FMN1: variants seen among roughly 807,000 people sequenced by gnomAD.
FMN1 encodes formin-1.
A neutral mutation model predicts 132.4 loss-of-function variants in FMN1; 110 were observed. The observed-to-expected ratio is 0.83, with a 90% CI of 0.71 to 0.97. FMN1 has a LOEUF of 0.97. FMN1 is among the 50% of genes least tolerant of loss of function. The pLI, the probability that FMN1 is intolerant of heterozygous loss-of-function variation, is 0.00. For synonymous variants in FMN1, 722 were observed against 651.7 expected (o/e 1.11, Z -1.64); for missense variants, 1,792 against 1,705.3 (o/e 1.05, Z -0.90).
Position 33,098,249 on chromosome 15 carries a change from T to C in FMN1, c.1868-9275A>G, listed in dbSNP as rs188335273. On this transcript the variant is annotated intron_variant, in intron 4 of 20. Transcript: ENST00000616417. ...ACTGATAGCCTTACTTCATGCTGAG[T>C]GACTGTCCTCCCCCAATAGGGCTGA... Among the ~76,000 whole-genome samples, 355 of 152,268 alleles carry C rather than the reference T, an allele frequency of 2.3e-3. 3 individuals carry two copies. Among genetic ancestry groups the C allele is most frequent in the Non-Finnish European group, 4.0e-4 (27 of 67,990 alleles).
At chr15:33,111,414 C>G (rs2039699650) in intron 4 of FMN1, among the ~76,000 whole-genome samples, 1 of 152,158 alleles carries the variant, frequency 6.6e-6, no homozygotes, top group South Asian at 2.1e-4. Flanking sequence ...AGAAAACAGT[C>G]TTGGCATTTC....
At chr15:32,999,953 G>T (rs1470908756) in intron 7 of FMN1, among the ~76,000 whole-genome samples, 2 of 152,126 alleles carry the variant, frequency 1.3e-5, no homozygotes, top group Non-Finnish European at 2.9e-5. Flanking sequence ...ATAAAGATTT[G>T]GGTATCCTAC....
chr15:32,910,017 C>G (rs2141660651), intron 11 of FMN1, among the ~76,000 whole-genome samples: 1 of 152,294 alleles, frequency 6.6e-6, no homozygotes, highest in African/African-American at 2.4e-5. Flanking sequence ...CTAAGACTGT[C>G]TCATTCTAAA....
chr15:32,927,557 C>T (rs568186766), intron 9 of FMN1, among the ~76,000 whole-genome samples: 2 of 152,178 alleles, frequency 1.3e-5, no homozygotes, highest in Non-Finnish European at 2.9e-5. Flanking sequence ...CCACACTTGG[C>T]CTTAAAATTA....
intron 3 of FMN1, among the ~76,000 whole-genome samples, chr15:33,156,135 A>C (rs919679261): frequency 1.3e-5 from 2 of 152,202 alleles, no homozygotes; most frequent in Admixed American, 1.3e-4. Flanking sequence ...GAGTCTGGTA[A>C]AAGTAACTCC....
At chr15:33,007,935 G>C in intron 7 of FMN1, 79 bp downstream of exon 7, 1 of 1,228,692 alleles carries the variant, frequency 8.1e-7, no homozygotes, top group African/African-American at 1.5e-5. Context: ...TTCAACTTAA[G>C]AGGAATATTT....
chr15:33,031,118 A>C (rs2035917528), intron 6 of FMN1, among the ~76,000 whole-genome samples: 2 of 152,028 alleles, frequency 1.3e-5, no homozygotes, highest in African/African-American at 2.4e-5. Flanking sequence ...ATCAAGGCAC[A>C]AACAGCTTAA....
rs201735675 is a variant in FMN1 at position 32,768,935 on chromosome 15, A to C, written c.*5375T>G. 43 of 152,340 alleles carry C rather than the reference A, an allele frequency of 2.8e-4. No individual in the cohort carries two copies. Among genetic ancestry groups the C allele is most frequent in the Admixed American group, 5.2e-4 (8 of 15,300 alleles). 9.4% of individuals were successfully genotyped at this position (152,340 alleles called of 1,614,324 possible). Reference sequence around the variant, plus strand: ...TAATATAAAGTCTGGAGTTCACATGAGCTCTTGACTGAAGGACACGATCCT... The same window carrying C: ...TAATATAAAGTCTGGAGTTCACATGCGCTCTTGACTGAAGGACACGATCCT... On this transcript the variant is annotated 3_prime_UTR_variant, in exon 21 of 21. Transcript: ENST00000616417.
intron 5 of FMN1, among the ~76,000 whole-genome samples, chr15:33,077,339 C>CTTT (rs1286397800): frequency 4.7e-5 from 6 of 128,048 alleles, no homozygotes; most frequent in African/African-American, 1.7e-4. Context: ...CCGGCCCATC[C>CTTT]TTTTTTTTTT....
chr15:32,883,092 C>T (rs1014154888), intron 16 of FMN1, among the ~76,000 whole-genome samples: 1 of 152,206 alleles, frequency 6.6e-6, no homozygotes, highest in Non-Finnish European at 1.5e-5. Flanking sequence ...ATTAGATTAG[C>T]AACCAGTTCT....
intron 7 of FMN1, among the ~76,000 whole-genome samples, chr15:32,994,232 T>TCTCTCTCTCTCTCTCTCTCTCACACACA (rs904998781): frequency 2.7e-5 from 1 of 37,200 alleles, no homozygotes; most frequent in Non-Finnish European, 8.4e-5. Context: ...TCTCTCTCTC[T>TCTCTCTCTCTCTCTCTCTCTCACACACA]CACACACACA....
At chr15:32,898,999 T>C in intron 14 of FMN1, 106 bp from the exon 15 acceptor site, 1 of 766,394 alleles carries the variant, frequency 1.3e-6, no homozygotes, top group Non-Finnish European at 2.2e-6. Context: ...TCGTGAAAAC[T>C]GGCTTTCTCT....
intron 4 of FMN1, among the ~76,000 whole-genome samples, chr15:33,120,325 C>T (rs1962430674): frequency 6.6e-6 from 1 of 152,130 alleles, no homozygotes; most frequent in African/African-American, 2.4e-5. Context: ...ACTTTATTCT[C>T]CTTGCTGACC....
chr15:32,838,520 G>A (rs758227882), intron 17 of FMN1, among the ~76,000 whole-genome samples: 9 of 152,164 alleles, frequency 5.9e-5, no homozygotes, highest in Non-Finnish European at 1.3e-4. Flanking sequence ...GTGGGGTTAC[G>A]AGTGACCTGA....
At chr15:33,075,597 GAC>G (rs2141296426) in intron 5 of FMN1, among the ~76,000 whole-genome samples, 1 of 152,240 alleles carries the variant, frequency 6.6e-6, no homozygotes, top group East Asian at 1.9e-4. Context: ...TGCATAAGGT[GAC>G]AAAGTTTGCC....
intron 6 of FMN1, among the ~76,000 whole-genome samples, chr15:33,011,055 T>C (rs1430338583): frequency 6.6e-6 from 1 of 152,140 alleles, no homozygotes. Context: ...CTAAAATGCA[T>C]GTGGAAGCAT....
In FMN1 at chr15:32,796,357, T is replaced by C. The variant is rs187776151; in HGVS notation, c.4130+2447A>G. ...TGAGCACTTAGTTGGCCTTCCAATA[T>C]ATTTAAAAATTAAGTGAGTTGAATT... On this transcript the variant is annotated intron_variant, in intron 19 of 20. Coordinates refer to ENST00000616417, the MANE Select transcript of FMN1 (RefSeq NM_001277313.2). Among the ~76,000 whole-genome samples the C allele has an allele frequency of 3.2e-3, 486 of 152,354 alleles. 1 individual carries two copies. The highest frequency in any genetic ancestry group is 5.7e-3 in the Non-Finnish European group (387 of 68,032).
chr15:32,883,245 G>A lies in FMN1; in HGVS notation c.3835+4927C>T, dbSNP rs551759664. Among the ~76,000 whole-genome samples, 9 of 152,268 alleles carry A rather than the reference G, an allele frequency of 5.9e-5. No homozygotes were observed. In the South Asian group the frequency reaches 1.7e-3, roughly 28 times the overall value. On this transcript the variant is annotated intron_variant, in intron 16 of 20. Transcript: ENST00000616417. The stretch of plus-strand genomic sequence containing the variant: ...TCAGGTCCAGTGGTGGCTCATGCCT[G>A]TAATCCTGGCACTATGGGAGGCCAA...
chr15:32,787,122 A>G (rs1258720), intron 19 of FMN1, among the ~76,000 whole-genome samples: 29,035 of 152,212 alleles, frequency 0.19, 3,172 homozygotes, highest in Non-Finnish European at 0.25. Flanking sequence ...AGTCAATGAA[A>G]TAAGTAAAGT....
Sources: allele counts gnomAD v4.1 joint callset (sites outside exome capture counted in the v4.1 genomes callset), GRCh38; gene constraint gnomAD v4.1.1; transcripts MANE v1.5; gene names NCBI Gene and HGNC (gene_info 2026-07-23, HGNC 2026-07-21).